The following CERKL variants were observed in gnomAD, a reference collection of about 807,000 sequenced individuals.
CERKL encodes the protein ceramide kinase-like protein.
Under a neutral mutation model 63.4 loss-of-function variants are expected in CERKL, and 61 were observed. The observed-to-expected ratio is 0.96, with a 90% CI of 0.78 to 1.19. The LOEUF (loss-of-function observed/expected upper bound fraction) is 1.19. Ranked by LOEUF, CERKL falls within the 50% of genes most tolerant of loss-of-function variation. The pLI is 0.00. For synonymous variants in CERKL, 250 were observed against 230.5 expected, an observed-to-expected ratio of 1.08 and a Z score of -0.77; for missense variants, 675 against 655.5, an observed-to-expected ratio of 1.03 and a Z score of -0.33.
chr2:181,619,327 T>TC (rs376361081), intron 1 of CERKL, among the ~76,000 whole-genome samples: 1 of 85,306 alleles, frequency 1.2e-5, no homozygotes, highest in African/African-American at 1.1e-4. Context: ...AAACCTAGTC[T>TC]TTTTTTTTTT....
intron 1 of CERKL, among the ~76,000 whole-genome samples, chr2:181,609,113 TTTA>T (rs955214742): frequency 1.3e-5 from 2 of 152,100 alleles, no homozygotes; most frequent in African/African-American, 4.8e-5. Context: ...TTTATTTTCT[TTTA>T]TTATTATACT....
Position 181,548,689 on chromosome 2 carries a change from G to A in CERKL, c.1064C>T (p.Ala355Val), listed in dbSNP as rs144917662. ...RRDFAVVKALAKLKAEDCEIS... is the reference protein window; with the variant it reads ...RRDFAVVKALVKLKAEDCEIS... ...TAAGAAAAAGACTTACTTAAGTTTT[G>A]CCAGTGCCTTAACAACAGCAAAATC... The change falls in exon 7 of 13, where the codon GCA (alanine) becomes GTA (valine). Residue 355 changes from alanine to valine, a missense_variant. Transcript: ENST00000410087. The A allele has an allele frequency of 6.2e-7, 1 of 1,613,786 alleles. No individual in the cohort carries two copies. The highest frequency in any genetic ancestry group is 1.7e-5 in the Admixed American group (1 of 59,954).
At chr2:181,636,226 T>C (rs1687173770) in intron 1 of CERKL, among the ~76,000 whole-genome samples, 1 of 152,188 alleles carries the variant, frequency 6.6e-6, no homozygotes, top group African/African-American at 2.4e-5. Context: ...AAAAACGAAT[T>C]TGCGCAGCGT....
intron 2 of CERKL, among the ~76,000 whole-genome samples, chr2:181,581,867 C>T (rs1235654805): frequency 2.0e-5 from 3 of 152,176 alleles, no homozygotes; most frequent in Non-Finnish European, 4.4e-5. Context: ...TTTCTCCCAT[C>T]CCTGCACCAG....
chr2:181,630,142 C>T (rs150096578), intron 1 of CERKL, among the ~76,000 whole-genome samples: 139 of 152,102 alleles, frequency 9.1e-4, no homozygotes, highest in Middle Eastern at 3.4e-3. Context: ...AGCAATCCTC[C>T]AGCCTCAGCC....
intron 1 of CERKL, chr2:181,617,351 A>G (rs1686243035): frequency 6.6e-6 from 1 of 152,216 alleles, no homozygotes; most frequent in Non-Finnish European, 1.5e-5. Context: ...ATAGAACACC[A>G]CTTTTTACTT....
At chr2:181,580,644 T>A (rs1428142838) in intron 2 of CERKL, among the ~76,000 whole-genome samples, 2 of 152,192 alleles carry the variant, frequency 1.3e-5, no homozygotes, top group Non-Finnish European at 2.9e-5. Flanking sequence ...AACATATTTA[T>A]CATGTTGATA....
chr2:181,544,528 C>G (rs1687640646), intron 11 of CERKL, among the ~76,000 whole-genome samples, 172 bp downstream of exon 11: 1 of 152,078 alleles, frequency 6.6e-6, no homozygotes, highest in African/African-American at 2.4e-5. Context: ...TATATTAATC[C>G]TGGCGGATGC....
intron 2 of CERKL, among the ~76,000 whole-genome samples, chr2:181,597,928 C>T (rs879659281): frequency 1.3e-5 from 2 of 152,128 alleles, no homozygotes; most frequent in Non-Finnish European, 2.9e-5. Context: ...CTTGCCAAAA[C>T]CCCTTTGGGA....
intron 3 of CERKL, among the ~76,000 whole-genome samples, chr2:181,567,699 A>G (rs1470573511): frequency 6.6e-6 from 1 of 152,184 alleles, no homozygotes; most frequent in African/African-American, 2.4e-5. Flanking sequence ...AGGAATTTGC[A>G]TTCTGGAGAT....
intron 2 of CERKL, among the ~76,000 whole-genome samples, chr2:181,595,067 T>C (rs1282571716): frequency 6.6e-6 from 1 of 152,206 alleles, no homozygotes; most frequent in African/African-American, 2.4e-5. Flanking sequence ...AGTTATTAAG[T>C]GATAATCCAT....
chr2:181,609,827 C>T (rs1029422152), intron 1 of CERKL, among the ~76,000 whole-genome samples: 2 of 152,048 alleles, frequency 1.3e-5, no homozygotes, highest in Non-Finnish European at 2.9e-5. Flanking sequence ...AACAATTACA[C>T]ATTTAAAAAT....
intron 1 of CERKL, among the ~76,000 whole-genome samples, chr2:181,628,451 G>C (rs1292509042): frequency 6.6e-6 from 1 of 152,118 alleles, no homozygotes; most frequent in Non-Finnish European, 1.5e-5. Flanking sequence ...AGAGTTACTG[G>C]CATGCTTAAA....
intron 1 of CERKL, among the ~76,000 whole-genome samples, chr2:181,609,238 C>T (rs1054299376): frequency 5.4e-5 from 8 of 147,426 alleles, no homozygotes; most frequent in South Asian, 2.3e-4. Context: ...GTATATCTCC[C>T]AATGCTATCC....
At chr2:181,625,965 T>C (rs1009828636) in intron 1 of CERKL, among the ~76,000 whole-genome samples, 15 of 152,196 alleles carry the variant, frequency 9.9e-5, no homozygotes, top group African/African-American at 2.9e-4. Context: ...TAAGTTTAGA[T>C]TAATTGTGTC....
intron 2 of CERKL, among the ~76,000 whole-genome samples, chr2:181,590,885 C>G (rs1300209896): frequency 1.3e-5 from 2 of 152,138 alleles, no homozygotes; most frequent in African/African-American, 4.8e-5. Flanking sequence ...TCTAACAAAA[C>G]TACACATGTG....
chr2:181,592,888 A>G (rs1685046787), intron 2 of CERKL, among the ~76,000 whole-genome samples: 2 of 152,152 alleles, frequency 1.3e-5, no homozygotes, highest in African/African-American at 2.4e-5. Flanking sequence ...GATAATGATG[A>G]ATTCTATTAG....
chr2:181,614,394 C>G (rs919534782), intron 1 of CERKL, among the ~76,000 whole-genome samples: 1 of 152,044 alleles, frequency 6.6e-6, no homozygotes, highest in Non-Finnish European at 1.5e-5. Flanking sequence ...GAAAACAAAC[C>G]ATACTGAGAG....
At chr2:181,585,414 T>C (rs1487106101) in intron 2 of CERKL, among the ~76,000 whole-genome samples, 1 of 152,212 alleles carries the variant, frequency 6.6e-6, no homozygotes, top group Non-Finnish European at 1.5e-5. Context: ...AACAATCATT[T>C]AAGCAAAAAG....
Sources: allele counts gnomAD v4.1 joint callset (sites outside exome capture counted in the v4.1 genomes callset), GRCh38; gene constraint gnomAD v4.1.1; transcripts MANE v1.5; gene names NCBI Gene and HGNC (gene_info 2026-07-23, HGNC 2026-07-21).